The following TDRD15 variants were observed in gnomAD, a reference collection of about 807,000 sequenced individuals.
TDRD15 encodes tudor domain-containing protein 15.
For synonymous variants in TDRD15, 503 were observed against 314.5 expected (o/e 1.60, Z -6.34); for missense variants, 1,416 against 904.7 (o/e 1.57, Z -7.25).
At chr2:21,135,026 AATTAT>A (rs1486577814) in intron 3 of TDRD15, among the ~76,000 whole-genome samples, 179 bp downstream of exon 3, 3 of 145,650 alleles carry the variant, frequency 2.1e-5, no homozygotes, top group Non-Finnish European at 4.5e-5. Flanking sequence ...AATTGTGTAT[AATTAT>A]ATTTATACAC....
chr2:21,142,026 T>C lies in TDRD15; in HGVS notation c.4559T>C (p.Leu1520Ser), dbSNP rs763946939. The C allele has an allele frequency of 5.7e-6, 4 of 698,554 alleles. No homozygotes were observed. In the African/African-American group the frequency reaches 7.2e-5, roughly 13 times the overall value. The allele number at this position is 698,554 out of a possible 1,614,324, so 43.3% of individuals were successfully genotyped here. Residue 1520 changes from leucine (L) to serine (S), a missense_variant, in exon 4 of 4, where the codon TTG (leucine) becomes TCG (serine). Coordinates refer to ENST00000405799, the MANE Select transcript of TDRD15 (RefSeq NM_001306137.2). The stretch of plus-strand genomic sequence containing the variant: ...AACCAACAGCTGTTTAAAATTCCTT[T>C]GGAAGAATTCAAACTTGGACAACTT... The part of the protein sequence containing the change: ...NSNQQLFKIP[L>S]EEFKLGQLEK...
At chr2:21,145,367 C>T (rs1666014142), downstream of TDRD15, among the ~76,000 whole-genome samples, 1 of 151,980 alleles carries the variant, frequency 6.6e-6, no homozygotes, top group Admixed American at 6.6e-5. Context: ...CCAAACCATA[C>T]ATTTTGGCTC....
Position 21,142,702 on chromosome 2 carries a change from A to T in TDRD15, c.5235A>T (p.Pro1745=), listed in dbSNP as rs1665960348. 2 of 710,194 alleles carry T rather than the reference A, an allele frequency of 2.8e-6. No homozygotes were observed. Among genetic ancestry groups the T allele is most frequent in the Non-Finnish European group, 5.2e-6 (2 of 382,412 alleles). 44.0% of individuals were successfully genotyped at this position (710,194 alleles called of 1,614,324 possible). A position where few individuals can be genotyped will look rare whatever the true frequency, so the allele number is the denominator to read the frequency against. Residue 1745 remains proline (P), a synonymous_variant, in exon 4 of 4, where the codon CCA becomes CCT. Coordinates refer to ENST00000405799, the MANE Select transcript of TDRD15 (RefSeq NM_001306137.2). ...YSGIATAVSD[P]SDFSIQLEDF... ...GTATTGCAACTGCTGTTTCTGATCC[A>T]TCAGACTTCAGTATTCAGTTAGAAG...
At chr2:21,136,687 A>G (rs1454322606) in intron 3 of TDRD15, among the ~76,000 whole-genome samples, 4 of 151,932 alleles carry the variant, frequency 2.6e-5, no homozygotes, top group Non-Finnish European at 4.4e-5. Flanking sequence ...GATTATTTGT[A>G]TTTCTTGAAT....
downstream of TDRD15, among the ~76,000 whole-genome samples, chr2:21,145,590 G>A (rs1666016919): frequency 6.6e-6 from 1 of 151,872 alleles, no homozygotes; most frequent in Non-Finnish European, 1.5e-5. Context: ...TAAATTTGAA[G>A]TCATATGTAA....
chr2:21,132,545 G>A (rs1171938823), intron 2 of TDRD15, among the ~76,000 whole-genome samples: 1 of 151,988 alleles, frequency 6.6e-6, no homozygotes, highest in African/African-American at 2.4e-5. Context: ...AGAATTTCCT[G>A]GTGGATTGTG....
chr2:21,129,563 G>T (rs550573249), intron 2 of TDRD15, among the ~76,000 whole-genome samples: 1 of 152,188 alleles, frequency 6.6e-6, no homozygotes, highest in Admixed American at 6.5e-5. Context: ...TCTTTCCATT[G>T]TTAAGTTTGG....
In TDRD15 at chr2:21,138,547, C is replaced by T. The variant is rs1339541650; in HGVS notation, c.1080C>T (p.His360=). 1 of 715,602 alleles carries T rather than the reference C, an allele frequency of 1.4e-6. No individual in the cohort carries two copies. The highest frequency in any genetic ancestry group is 1.7e-5 in the African/African-American group (1 of 57,148). 44.3% of individuals were successfully genotyped at this position (715,602 alleles called of 1,614,324 possible). Residue 360 remains histidine, a synonymous_variant, in exon 4 of 4, where the codon CAC becomes CAT. Coordinates refer to ENST00000405799, the MANE Select transcript of TDRD15 (RefSeq NM_001306137.2). ...TTCCATGTTCTCTGACATGTTTGCA[C>T]AGTCCAGATAGAGATGCAAGAATAT... The part of the protein sequence containing the change: ...FSFPCSLTCL[H]SPDRDARIFQ...
At position 21,144,038 on chromosome 2, in the gene TDRD15, T is replaced by A. The variant is rs965552419; in HGVS notation, c.*766T>A. On this transcript the variant is annotated 3_prime_UTR_variant, in exon 4 of 4. Transcript: ENST00000405799. ...ATTATTAGTGAGCTTCCTGCGCTTA[T>A]TTTGAAGAATCATTTTTCTGTTATA... 6.6e-6 allele frequency among the ~76,000 whole-genome samples: 1 copy of A among 151,774 alleles called. No homozygotes were observed. Among genetic ancestry groups the A allele is most frequent in the African/African-American group, 2.4e-5 (1 of 41,408 alleles).
chr2:21,142,978 A>C lies in TDRD15; in HGVS notation c.5511A>C (p.Glu1837Asp). ...EIINLKVVPEELLNLPRLSYP... is the reference protein window; with the variant it reads ...EIINLKVVPEDLLNLPRLSYP... The stretch of plus-strand genomic sequence containing the variant: ...TAAATCTTAAAGTTGTTCCTGAGGA[A>C]CTTTTGAATTTGCCAAGGCTGAGTT... The change falls in exon 4 of 4, where the codon GAA becomes GAC. Residue 1837 changes from glutamate to aspartate, a missense_variant. By Grantham distance (45) the Glu-to-Asp change is conservative (BLOSUM62 2). Coordinates refer to ENST00000405799, the MANE Select transcript of TDRD15 (RefSeq NM_001306137.2). 1 of 704,564 alleles carries C rather than the reference A, an allele frequency of 1.4e-6. No individual in the cohort carries two copies. Among genetic ancestry groups the C allele is most frequent in the Non-Finnish European group, 2.6e-6 (1 of 381,034 alleles). The allele number at this position is 704,564 out of a possible 1,614,324, so 43.6% of individuals were successfully genotyped here.
At position 21,139,936 on chromosome 2, in the gene TDRD15, A is replaced by G. The variant is rs1408775272; in HGVS notation, c.2469A>G (p.Gln823=). 1 of 715,258 alleles carries G rather than the reference A, an allele frequency of 1.4e-6. No homozygotes were observed. The highest frequency in any genetic ancestry group is 2.0e-5 in the Admixed American group (1 of 49,856). 44.3% of individuals were successfully genotyped at this position (715,258 alleles called of 1,614,324 possible). ...GKWCRAAVLT[Q]VSKEVDIVFV... is the part of the protein sequence containing the mutation. The stretch of plus-strand genomic sequence containing the variant: ...GGTGTAGAGCTGCTGTTTTGACTCA[A>G]GTATCAAAAGAAGTTGACATAGTGT... The change falls in exon 4 of 4, where the codon CAA becomes CAG. Residue 823 remains glutamine (Q), a synonymous_variant. Coordinates refer to ENST00000405799, the MANE Select transcript of TDRD15 (RefSeq NM_001306137.2).
At chr2:21,136,685 G>T (rs777177116) in intron 3 of TDRD15, among the ~76,000 whole-genome samples, 1 of 151,958 alleles carries the variant, frequency 6.6e-6, no homozygotes, top group African/African-American at 2.4e-5. Context: ...GGGATTATTT[G>T]TATTTCTTGA....
intron 2 of TDRD15, among the ~76,000 whole-genome samples, chr2:21,128,786 G>T (rs1040593980): frequency 1.3e-5 from 2 of 150,156 alleles, no homozygotes; most frequent in Admixed American, 6.6e-5. Context: ...ATTTTGAAAA[G>T]AATTTTGTTT....
At chr2:21,129,944 G>T (rs1665684878) in intron 2 of TDRD15, among the ~76,000 whole-genome samples, 1 of 152,220 alleles carries the variant, frequency 6.6e-6, no homozygotes, top group African/African-American at 2.4e-5. Context: ...AGGTCCTGAG[G>T]TGGTACAGGG....
chr2:21,135,988 A>G (rs1241985520), intron 3 of TDRD15, among the ~76,000 whole-genome samples: 1 of 151,984 alleles, frequency 6.6e-6, no homozygotes, highest in African/African-American at 2.4e-5. Context: ...TCTTCTGGGT[A>G]CCTCTACTTT....
In TDRD15 at chr2:21,139,964, G is replaced by C. The variant is rs1338484468; in HGVS notation, c.2497G>C (p.Val833Leu). 4 of 715,784 alleles carry C rather than the reference G, an allele frequency of 5.6e-6. No individual in the cohort carries two copies. The allele number at this position is 715,784 out of a possible 1,614,324, so 44.3% of individuals were successfully genotyped here. Residue 833 changes from valine to leucine, a missense_variant, in exon 4 of 4, where the codon GTT becomes CTT. Coordinates refer to ENST00000405799, the MANE Select transcript of TDRD15 (RefSeq NM_001306137.2). ...QVSKEVDIVF[V>L]DYGYQKRVLI... The stretch of plus-strand genomic sequence containing the variant: ...ATCAAAAGAAGTTGACATAGTGTTT[G>C]TTGATTATGGTTACCAAAAAAGGGT...
rs771272526 is a variant in TDRD15, at chr2:21,137,935, G to C, written c.468G>C (p.Val156=). ...TAGGAATACAAGTGAAAGGTTATGTGCAAGCTATTTTACCTCTGCAAATGT... is the reference window on the plus strand; with the variant it reads ...TAGGAATACAAGTGAAAGGTTATGTCCAAGCTATTTTACCTCTGCAAATGT... ...SLVGIQVKGY[V]QAILPLQMFL... is the part of the protein sequence containing the mutation. The change falls in exon 4 of 4, where the codon GTG becomes GTC. Residue 156 remains valine (V), a synonymous_variant. Coordinates refer to ENST00000405799, the MANE Select transcript of TDRD15 (RefSeq NM_001306137.2). 1.1e-5 allele frequency: 8 copies of C among 716,790 alleles called. No individual in the cohort carries two copies. The South Asian group carries it at 1.2e-4, about 11-fold the overall frequency. 44.4% of individuals were successfully genotyped at this position (716,790 alleles called of 1,614,324 possible).
intron 3 of TDRD15, among the ~76,000 whole-genome samples, chr2:21,135,159 T>C (rs1572297576): frequency 3.4e-5 from 5 of 146,740 alleles, no homozygotes; most frequent in African/African-American, 1.2e-4. Flanking sequence ...ATATATTTTA[T>C]ATATAAGATA....
chr2:21,137,435 G>A (rs961145467), intron 3 of TDRD15, 30 bp from the exon 4 acceptor site: 12 of 593,870 alleles, frequency 2.0e-5, no homozygotes, highest in Admixed American at 6.7e-5. Flanking sequence ...AACTTTGATA[G>A]CTAATGAGTA....
Sources: gnomAD v4.1 joint callset for allele counts (sites outside exome capture counted in the v4.1 genomes callset) on GRCh38, gnomAD v4.1.1 for gene constraint, MANE v1.5 for transcripts, NCBI Gene and HGNC (gene_info 2026-07-23, HGNC 2026-07-21) for gene names.